The following NEGR1 variants were observed in gnomAD, a reference collection of about 807,000 sequenced individuals.
The protein encoded by NEGR1 is IgLON family member 4.
In NEGR1, 10 loss-of-function variants were observed where a neutral mutation model predicts 40.9. The ratio of observed to expected loss-of-function variants is 0.24; its 90% confidence interval spans 0.15 to 0.42. The LOEUF (loss-of-function observed/expected upper bound fraction) is 0.42. NEGR1 is among the 10% of genes least tolerant of loss of function. NEGR1 has a pLI of 1.00. For missense variants in NEGR1, 352 were observed against 438.9 expected (o/e 0.80, Z 1.77); for synonymous variants, 185 against 166.8 (o/e 1.11, Z -0.84).
chr1:71,926,586 T>C (rs1234313319), intron 2 of NEGR1, among the ~76,000 whole-genome samples: 1 of 150,612 alleles, frequency 6.6e-6, no homozygotes, highest in Non-Finnish European at 1.5e-5. Context: ...AAGTTCCTTC[T>C]ATAGGAAAAA....
In NEGR1 at chr1:72,244,626, T is replaced by C. The variant is rs148365451; in HGVS notation, c.176+37693A>G. 3.6e-3 allele frequency among the ~76,000 whole-genome samples: 540 copies of C among 152,072 alleles called. 5 individuals are homozygous for C. Among genetic ancestry groups the C allele is most frequent in the African/African-American group, 0.012 (514 of 41,548 alleles). ...ATGCTCTATGAAGTCACTGCAACAC[T>C]GCATCAGTGAATACTACACCATTGT... is the stretch of plus-strand genomic sequence containing the variant. On this transcript the variant is annotated intron_variant, in intron 1 of 6. Transcript: ENST00000357731.
intron 6 of NEGR1, among the ~76,000 whole-genome samples, chr1:71,466,728 G>A (rs1646748536): frequency 6.6e-6 from 1 of 152,092 alleles, no homozygotes; most frequent in Admixed American, 6.6e-5. Flanking sequence ...GGAGGCTGGT[G>A]TACATGGAGG....
At chr1:72,001,959 T>C (rs11209886) in intron 1 of NEGR1, among the ~76,000 whole-genome samples, 3,989 of 152,210 alleles carry the variant, frequency 0.026, 156 homozygotes, top group African/African-American at 0.091. Context: ...AAACTCATTA[T>C]AAAGTTTTCT....
intron 6 of NEGR1, among the ~76,000 whole-genome samples, chr1:71,462,949 A>C (rs988762531): frequency 5.3e-5 from 8 of 152,150 alleles, no homozygotes; most frequent in Admixed American, 1.3e-4. Flanking sequence ...AATCGGATGA[A>C]GCTAGCTGTG....
At chr1:72,199,157 A>AGG (rs1171927072) in intron 1 of NEGR1, among the ~76,000 whole-genome samples, 1 of 142,676 alleles carries the variant, frequency 7.0e-6, no homozygotes, top group Non-Finnish European at 1.6e-5. Context: ...AGACAGAGAG[A>AGG]GAGAGAGAGA....
At chr1:71,744,373 A>AATAATAATAATG (rs1168919276) in intron 3 of NEGR1, among the ~76,000 whole-genome samples, 3 of 148,140 alleles carry the variant, frequency 2.0e-5, no homozygotes, top group African/African-American at 7.5e-5. Flanking sequence ...TAATAATAAT[A>AATAATAATAATG]ATAAGCCAGG....
At chr1:72,098,260 T>C (rs939664223) in intron 1 of NEGR1, among the ~76,000 whole-genome samples, 11 of 152,062 alleles carry the variant, frequency 7.2e-5, no homozygotes, top group African/African-American at 2.7e-4. Flanking sequence ...TAGTTTATTG[T>C]CCACTTTAGG....
intron 1 of NEGR1, among the ~76,000 whole-genome samples, chr1:71,958,556 AG>A (rs1646136989): frequency 6.6e-6 from 1 of 152,192 alleles, no homozygotes; most frequent in Non-Finnish European, 1.5e-5. Context: ...TTGATGAGTA[AG>A]GTACTTACTC....
chr1:71,999,192 T>A (rs1038991707), intron 1 of NEGR1, among the ~76,000 whole-genome samples: 1 of 151,934 alleles, frequency 6.6e-6, no homozygotes, highest in Admixed American at 6.6e-5. Context: ...AAAAGGAATA[T>A]AAGAATGCCC....
At chr1:72,261,323 TTC>T (rs1394152126) in intron 1 of NEGR1, among the ~76,000 whole-genome samples, 3 of 152,112 alleles carry the variant, frequency 2.0e-5, no homozygotes, top group Admixed American at 2.0e-4. Flanking sequence ...ATATTTTCAA[TTC>T]TGTCACATTT....
intron 2 of NEGR1, among the ~76,000 whole-genome samples, chr1:71,850,426 G>A (rs1039424464): frequency 6.6e-6 from 1 of 152,054 alleles, no homozygotes; most frequent in African/African-American, 2.4e-5. Flanking sequence ...AAAGTGCTTG[G>A]ATTACAGCAC....
At chr1:72,274,965 A>C in intron 1 of NEGR1, 1 of 1,525,406 alleles carries the variant, frequency 6.6e-7, no homozygotes, top group Non-Finnish European at 9.1e-7. Flanking sequence ...TAGCAGCACA[A>C]GGGAAGTACA....
chr1:72,197,501 C>A (rs907614937), intron 1 of NEGR1, among the ~76,000 whole-genome samples: 1 of 151,914 alleles, frequency 6.6e-6, no homozygotes, highest in Non-Finnish European at 1.5e-5. Flanking sequence ...GATTATTGTA[C>A]ACTAGAGATC....
At chr1:72,098,911 A>C (rs919553585) in intron 1 of NEGR1, among the ~76,000 whole-genome samples, 7 of 151,802 alleles carry the variant, frequency 4.6e-5, no homozygotes, top group Non-Finnish European at 1.0e-4. Context: ...AACTAAATAA[A>C]AAATAAAACT....
intron 2 of NEGR1, among the ~76,000 whole-genome samples, chr1:71,855,562 A>C (rs1269175036): frequency 6.6e-6 from 1 of 152,064 alleles, no homozygotes; most frequent in Non-Finnish European, 1.5e-5. Context: ...TTTCATACCG[A>C]GACCTGGAAA....
intron 6 of NEGR1, among the ~76,000 whole-genome samples, chr1:71,478,091 T>C (rs79937025): frequency 0.011 from 1,741 of 152,164 alleles, 32 homozygotes; most frequent in African/African-American, 0.04. Flanking sequence ...TATATGTCTT[T>C]CTCTTTTGTC....
intron 1 of NEGR1, among the ~76,000 whole-genome samples, chr1:72,279,776 C>T (rs994353791): frequency 5.3e-5 from 8 of 152,064 alleles, no homozygotes; most frequent in Non-Finnish European, 1.0e-4. Flanking sequence ...AAATTACCAG[C>T]TGTAGAGAAG....
intron 6 of NEGR1, among the ~76,000 whole-genome samples, chr1:71,542,119 G>A (rs1456581855): frequency 1.3e-5 from 2 of 151,688 alleles, no homozygotes; most frequent in Non-Finnish European, 2.9e-5. Flanking sequence ...CTGGTGGTAG[G>A]AACTGTGAAA....
At chr1:72,111,081 TATATAC>T (rs1649349512) in intron 1 of NEGR1, among the ~76,000 whole-genome samples, 3 of 39,622 alleles carry the variant, frequency 7.6e-5, no homozygotes, top group East Asian at 1.2e-3. Flanking sequence ...CACATATATA[TATATAC>T]ACACACACAC....
Sources: allele counts gnomAD v4.1 joint callset (sites outside exome capture counted in the v4.1 genomes callset), GRCh38; gene constraint gnomAD v4.1.1; transcripts MANE v1.5; gene names NCBI Gene and HGNC (gene_info 2026-07-23, HGNC 2026-07-21).